Variants in NDUFS4 observed in about 807,000 individuals in gnomAD.
NDUFS4 encodes the protein NADH:ubiquinone oxidoreductase subunit S4, also known as NADH dehydrogenase [ubiquinone] iron-sulfur protein 4, mitochondrial.
In NDUFS4, 28 loss-of-function variants were observed where a neutral mutation model predicts 24.3. The ratio of observed to expected loss-of-function variants is 1.15; its 90% CI spans 0.85 to 1.58. NDUFS4 has a LOEUF of 1.58. Among genes scored for constraint, NDUFS4 ranks in the 40% most tolerant of loss-of-function variants. The probability of loss-of-function intolerance (pLI) is 0.00; values close to 1 mark genes in which losing one functional copy is unlikely to be tolerated. For missense variants in NDUFS4, 223 were observed against 207.9 expected (o/e 1.07, Z -0.45); for synonymous variants, 93 against 69.7 (o/e 1.34, Z -1.67).
At chr5:53,609,117 A>G (rs115297658) in intron 2 of NDUFS4, among the ~76,000 whole-genome samples, 2 of 152,292 alleles carry the variant, frequency 1.3e-5, no homozygotes, top group African/African-American at 2.4e-5. Flanking sequence ...TTCATCTCCT[A>G]TGAGTCACAA....
At chr5:53,660,282 G>C in intron 4 of NDUFS4, among the ~76,000 whole-genome samples, 1 of 151,772 alleles carries the variant, frequency 6.6e-6, no homozygotes. Context: ...AGTTTGCTGA[G>C]AATGATGGTT....
intron 2 of NDUFS4, among the ~76,000 whole-genome samples, chr5:53,618,857 T>A (rs533989174): frequency 6.6e-6 from 1 of 152,246 alleles, no homozygotes; most frequent in Admixed American, 6.5e-5. Flanking sequence ...CTCAAACCTG[T>A]AATCCTAGCA....
chr5:53,566,500 C>T (rs919549748), intron 1 of NDUFS4, among the ~76,000 whole-genome samples: 1 of 152,100 alleles, frequency 6.6e-6, no homozygotes, highest in African/African-American at 2.4e-5. Flanking sequence ...GTGTTGTTAT[C>T]CTCATTTTTC....
intron 1 of NDUFS4, 131 bp from the exon 2 acceptor site, chr5:53,603,321 T>A: frequency 1.4e-6 from 1 of 721,252 alleles, no homozygotes; most frequent in Non-Finnish European, 2.3e-6. Context: ...TGCCCTCTTC[T>A]CTTTCTTTCC....
At chr5:53,569,674 G>C (rs1387475307) in intron 1 of NDUFS4, among the ~76,000 whole-genome samples, 1 of 152,086 alleles carries the variant, frequency 6.6e-6, no homozygotes, top group Non-Finnish European at 1.5e-5. Flanking sequence ...AAACTGTATA[G>C]AACAAGTTTA....
At chr5:53,682,966 A>G (rs959413324) in intron 4 of NDUFS4, 152 bp from the exon 5 acceptor site, 20 of 706,892 alleles carry the variant, frequency 2.8e-5, no homozygotes, top group African/African-American at 2.8e-4. Context: ...TAAGGGAACA[A>G]ATAGTAAGTA....
At chr5:53,616,907 A>G (rs1461563464) in intron 2 of NDUFS4, among the ~76,000 whole-genome samples, 1 of 152,190 alleles carries the variant, frequency 6.6e-6, no homozygotes, top group African/African-American at 2.4e-5. Flanking sequence ...CATAGGTTTT[A>G]TATACGATAT....
chr5:53,675,717 C>CA (rs1348154632), intron 4 of NDUFS4, among the ~76,000 whole-genome samples: 2 of 152,118 alleles, frequency 1.3e-5, no homozygotes, highest in Non-Finnish European at 2.9e-5. Flanking sequence ...CTAGATTCTC[C>CA]ATTTTTTCTC....
chr5:53,660,172 G>A (rs1179044840), intron 4 of NDUFS4, among the ~76,000 whole-genome samples: 2 of 118,224 alleles, frequency 1.7e-5, no homozygotes, highest in East Asian at 2.4e-4. Context: ...AACAGGTCCC[G>A]GAGTGTGATG....
chr5:53,589,488 G>T (rs1749874216), intron 1 of NDUFS4, among the ~76,000 whole-genome samples: 1 of 152,222 alleles, frequency 6.6e-6, no homozygotes, highest in South Asian at 2.1e-4. Context: ...TAAAGCTACT[G>T]CTGGATAATG....
intron 4 of NDUFS4, among the ~76,000 whole-genome samples, chr5:53,665,801 G>C (rs1204178905): frequency 6.6e-6 from 1 of 152,180 alleles, no homozygotes; most frequent in Non-Finnish European, 1.5e-5. Flanking sequence ...CGCCCTGCTT[G>C]GGCTCACACT....
chr5:53,603,828 T>G (rs1435521521), intron 2 of NDUFS4, among the ~76,000 whole-genome samples: 1 of 152,186 alleles, frequency 6.6e-6, no homozygotes, highest in East Asian at 1.9e-4. Flanking sequence ...GTTTTGCTTT[T>G]TATTTTCTCA....
At chr5:53,588,212 C>T (rs762295248) in intron 1 of NDUFS4, among the ~76,000 whole-genome samples, 24 of 152,136 alleles carry the variant, frequency 1.6e-4, no homozygotes, top group Non-Finnish European at 3.1e-4. Context: ...AAACAGTGTA[C>T]GTACCCTAAT....
At chr5:53,613,128 T>C (rs1033544344) in intron 2 of NDUFS4, among the ~76,000 whole-genome samples, 6 of 152,080 alleles carry the variant, frequency 3.9e-5, no homozygotes, top group Non-Finnish European at 8.8e-5. Context: ...AGTTTTCTTT[T>C]GGTGAGATTA....
chr5:53,664,192 A>G (rs980858651), intron 4 of NDUFS4, among the ~76,000 whole-genome samples: 11 of 152,332 alleles, frequency 7.2e-5, no homozygotes, highest in South Asian at 2.1e-4. Context: ...GCTTTTGCCA[A>G]GAGATCAGCT....
At chr5:53,594,876 G>C (rs1750085699) in intron 1 of NDUFS4, among the ~76,000 whole-genome samples, 1 of 150,552 alleles carries the variant, frequency 6.6e-6, no homozygotes, top group South Asian at 2.1e-4. Context: ...CTGTGTTTGT[G>C]TGTGTGTGTG....
chr5:53,682,373 C>CTTACT (rs766767955), intron 4 of NDUFS4, among the ~76,000 whole-genome samples: 5 of 151,562 alleles, frequency 3.3e-5, no homozygotes, highest in Admixed American at 6.6e-5. Flanking sequence ...ATTAGCGGCC[C>CTTACT]TTACTTTTTT....
chr5:53,652,056 G>A (rs452871), intron 3 of NDUFS4, among the ~76,000 whole-genome samples: 104,891 of 151,922 alleles, frequency 0.69, 36,735 homozygotes, highest in African/African-American at 0.79. Context: ...TACAGGCGTG[G>A]GCCACCGTGC....
intron 2 of NDUFS4, among the ~76,000 whole-genome samples, chr5:53,608,810 C>T (rs1750608981): frequency 1.3e-5 from 2 of 152,172 alleles, no homozygotes; most frequent in African/African-American, 4.8e-5. Flanking sequence ...ATATTTATTT[C>T]AGGACATGCC....
Sources: allele counts gnomAD v4.1 joint callset (sites outside exome capture counted in the v4.1 genomes callset), GRCh38; gene constraint gnomAD v4.1.1; transcripts MANE v1.5; gene names NCBI Gene and HGNC (gene_info 2026-07-23, HGNC 2026-07-21).